The following NLRP7 variants were observed in gnomAD, a reference collection of about 807,000 sequenced individuals.
The protein encoded by NLRP7 is NACHT, LRR and PYD domains-containing protein 7.
Under a neutral mutation model 85.5 loss-of-function variants are expected in NLRP7, and 72 were observed. The observed-to-expected ratio is 0.84, with a 90% CI of 0.70 to 1.02. The LOEUF (loss-of-function observed/expected upper bound fraction) is 1.02, where lower values mean the gene tolerates loss of function less well. Ranked by LOEUF, NLRP7 falls within the 50% of genes least tolerant of loss-of-function variation. The probability of loss-of-function intolerance (pLI) is 0.00; values close to 1 mark genes in which losing one functional copy is unlikely to be tolerated. For missense variants in NLRP7, 1,243 were observed against 1,219.5 expected, an observed-to-expected ratio of 1.02 and a Z score of -0.29; for synonymous variants, 550 against 505.2, an observed-to-expected ratio of 1.09 and a Z score of -1.19.
chr19:54,948,416 T>A (rs570169326), upstream of NLRP7, among the ~76,000 whole-genome samples: 16 of 152,142 alleles, frequency 1.1e-4, no homozygotes, highest in Non-Finnish European at 1.8e-4. Flanking sequence ...CCATACATGA[T>A]GGGCTGCACC....
At chr19:54,939,281 G>A in exon 4 of NLRP7, 1 of 1,614,110 alleles carries the variant, frequency 6.2e-7, no homozygotes, top group Non-Finnish European at 8.5e-7. Context: ...AATCAGGTCG[G>A]GGTTCTTGAG....
intron 8 of NLRP7, 95 bp downstream of exon 8, chr19:54,933,474 T>C: frequency 1.3e-6 from 2 of 1,502,340 alleles, no homozygotes; most frequent in South Asian, 2.3e-5. Context: ...TTACCAGGTT[T>C]TTAAAAGTTA....
chr19:54,939,808 A>G (rs773973764), exon 4 of NLRP7: 1 of 1,613,942 alleles, frequency 6.2e-7, no homozygotes, highest in Non-Finnish European at 8.5e-7. Flanking sequence ...CCTCGTCTCC[A>G]AAGTGTCTCA....
rs899313858 is a variant in NLRP7 at position 54,955,039 on chromosome 19, C to A, written c.-76-7534G>T. 7.9e-5 allele frequency among the ~76,000 whole-genome samples: 12 copies of A among 151,918 alleles called. No individual in the cohort carries two copies. The South Asian group carries it at 1.0e-3, about 13-fold the overall frequency. ...GTCCTTACTTGCTTTTAAAAAATATCATTGGTGGCCGGGCGCGGTGGCTCA... is the reference window on the plus strand; with the variant it reads ...GTCCTTACTTGCTTTTAAAAAATATAATTGGTGGCCGGGCGCGGTGGCTCA... On this transcript the variant is annotated intron_variant, in intron 1 of 2. Transcript: ENST00000587103.
At chr19:54,935,894 C>G (rs1302835700) in intron 6 of NLRP7, among the ~76,000 whole-genome samples, 4 of 151,288 alleles carry the variant, frequency 2.6e-5, no homozygotes, top group Non-Finnish European at 5.9e-5. Flanking sequence ...CATCCCAAAA[C>G]TACCCCCAAA....
chr19:54,934,742 C>T lies in NLRP7; in HGVS notation c.2301-83G>A. On this transcript the variant is annotated intron_variant, in intron 6 of 9. Transcript: ENST00000340844. The surrounding 1 kb of genome is among the most constrained non-coding windows in gnomAD (Gnocchi z 6.7). The stretch of plus-strand genomic sequence containing the variant: ...TTTTTTTTTTTGAGACAGAGTTTCA[C>T]TCTGTTGCCCAGTCTGGAATGCAAA... The T allele has an allele frequency of 8.6e-7, 1 of 1,165,684 alleles. No individual in the cohort carries two copies. Among genetic ancestry groups the T allele is most frequent in the Non-Finnish European group, 1.2e-6 (1 of 829,948 alleles). The allele number at this position is 1,165,684 out of a possible 1,614,324, so 72.2% of individuals were successfully genotyped here.
At chr19:54,927,993 C>T (rs144437637) in intron 9 of NLRP7, among the ~76,000 whole-genome samples, 18 of 152,154 alleles carry the variant, frequency 1.2e-4, no homozygotes, top group Non-Finnish European at 2.4e-4. Flanking sequence ...CTTGGGAGGC[C>T]GAGGAGGGTA....
At chr19:54,955,306 G>A (rs1189109232) in intron 1 of NLRP7, among the ~76,000 whole-genome samples, 1 of 152,040 alleles carries the variant, frequency 6.6e-6, no homozygotes. Flanking sequence ...TCCAGCCTGG[G>A]CAACAAGAGT....
chr19:54,932,894 C>A (rs2068737172), intron 8 of NLRP7, among the ~76,000 whole-genome samples: 1 of 151,888 alleles, frequency 6.6e-6, no homozygotes, highest in Non-Finnish European at 1.5e-5. Flanking sequence ...AGGTGATCTG[C>A]CCACCATTCA....
intron 5 of NLRP7, 69 bp downstream of exon 5, chr19:54,937,975 T>A: frequency 7.9e-7 from 1 of 1,271,162 alleles, no homozygotes; most frequent in Non-Finnish European, 1.1e-6. Context: ...TTTCCAAATT[T>A]AAAAAACAAA....
chr19:54,930,805 T>C (rs572545699), intron 8 of NLRP7, 139 bp from the exon 9 acceptor site: 9 of 739,440 alleles, frequency 1.2e-5, no homozygotes, highest in Admixed American at 1.0e-4. Flanking sequence ...AACCTCTGCC[T>C]CCCAGGTTCA....
intron 4 of NLRP7, among the ~76,000 whole-genome samples, chr19:54,938,650 C>T (rs896044231): frequency 2.0e-5 from 3 of 152,118 alleles, no homozygotes; most frequent in Non-Finnish European, 2.9e-5. Context: ...CACTTGAACC[C>T]GGGAGGCGGA....
In NLRP7 at chr19:54,928,453, G is replaced by T. The variant is rs269938; in HGVS notation, c.2810+2046C>A. On this transcript the variant is annotated intron_variant, in intron 9 of 9. Transcript: ENST00000340844. Reference sequence around the variant, plus strand: ...TGCTGGGGCTCCAGTAGTGAGGAAAGGCAGAGGGGAGTGAGCAGAAGAAAT... The same window carrying T: ...TGCTGGGGCTCCAGTAGTGAGGAAATGCAGAGGGGAGTGAGCAGAAGAAAT... Among the ~76,000 whole-genome samples the T allele has an allele frequency of 0.38, 58,175 of 151,752 alleles. 11,412 individuals are homozygous for T. The highest frequency in any genetic ancestry group is 0.66 in the East Asian group (3,402 of 5,124).
At chr19:54,949,845 G>A (rs1434537451), upstream of NLRP7, among the ~76,000 whole-genome samples, 3 of 152,238 alleles carry the variant, frequency 2.0e-5, no homozygotes, top group Non-Finnish European at 2.9e-5. Flanking sequence ...GCTCATGCCC[G>A]TAATCCCAAC....
chr19:54,941,356 T>G, intron 2 of NLRP7, 79 bp downstream of exon 2: 1 of 1,027,346 alleles, frequency 9.7e-7, no homozygotes, highest in Non-Finnish European at 1.4e-6. Context: ...CACTCCAGCC[T>G]GGGCGACAGA....
At chr19:54,924,572 TAG>T (rs1338261245) in intron 9 of NLRP7, among the ~76,000 whole-genome samples, 1 of 152,128 alleles carries the variant, frequency 6.6e-6, no homozygotes, top group Non-Finnish European at 1.5e-5. Context: ...TGCAACGAGC[TAG>T]AGATTGCCCT....
intron 1 of NLRP7, among the ~76,000 whole-genome samples, chr19:54,962,325 T>C (rs1222517494): frequency 8.3e-5 from 12 of 144,296 alleles, no homozygotes; most frequent in South Asian, 2.5e-4. Flanking sequence ...TGGAGTGCAA[T>C]GGCACGATCT....
In NLRP7 at chr19:54,934,143, A is replaced by G. The variant is rs1383278555; in HGVS notation, c.2471+346T>C. Among the ~76,000 whole-genome samples the G allele has an allele frequency of 2.0e-5, 3 of 152,190 alleles. No homozygotes were observed. The highest frequency in any genetic ancestry group is 2.0e-4 in the Admixed American group (3 of 15,276). ...TTTTTAGTAGAGACGGGGTTTCACC[A>G]TGTTAGCCAGGATGGTCTCGATCTC... On this transcript the variant is annotated intron_variant, in intron 7 of 9. Coordinates refer to ENST00000340844, the Ensembl canonical transcript of NLRP7. The surrounding 1 kb of genome is among the most constrained non-coding windows in gnomAD (Gnocchi z 6.7).
At chr19:54,953,923 C>T (rs1217058869) in intron 1 of NLRP7, among the ~76,000 whole-genome samples, 1 of 151,724 alleles carries the variant, frequency 6.6e-6, no homozygotes, top group Non-Finnish European at 1.5e-5. Flanking sequence ...AGGAGAACGG[C>T]GTGAACCCGG....
Sources: allele counts gnomAD v4.1 joint callset (sites outside exome capture counted in the v4.1 genomes callset), GRCh38; gene constraint gnomAD v4.1.1; non-coding constraint Gnocchi (gnomAD v3.1); transcripts MANE v1.5; gene names NCBI Gene and HGNC (gene_info 2026-07-23, HGNC 2026-07-21).